TSHZ2: variants seen among roughly 807,000 people sequenced by gnomAD.
The protein encoded by TSHZ2 is teashirt homolog 2.
Under a neutral mutation model 74.4 loss-of-function variants are expected in TSHZ2, and 21 were observed. The observed-to-expected ratio is 0.28, with a 90% CI of 0.20 to 0.41. The LOEUF (loss-of-function observed/expected upper bound fraction) is 0.41. Among genes scored for constraint, TSHZ2 ranks in the 10% least tolerant of loss-of-function variants. The pLI is 1.00. For synonymous variants in TSHZ2, 540 were observed against 515.3 expected (o/e 1.05, Z -0.65); for missense variants, 1,244 against 1,293.5 (o/e 0.96, Z 0.59).
At chr20:52,976,970 T>C (rs1004940610) in intron 1 of TSHZ2, among the ~76,000 whole-genome samples, 3 of 152,226 alleles carry the variant, frequency 2.0e-5, no homozygotes, top group African/African-American at 7.2e-5. Context: ...TTTGTTTTCA[T>C]GAATGTCCTT....
Position 52,973,234 on chromosome 20 carries a change from G to A in TSHZ2, c.-60G>A. ...GACCCAGAGAGGCCAGAGAGACAGC[G>A]GGCCCCAGCGCGCGGCTCGGGGCTG... On this transcript the variant is annotated 5_prime_UTR_variant, in exon 1 of 3. Coordinates refer to ENST00000371497, the MANE Select transcript of TSHZ2 (RefSeq NM_173485.6). 1.3e-6 allele frequency: 2 copies of A among 1,549,856 alleles called. No homozygotes were observed. Among genetic ancestry groups the A allele is most frequent in the East Asian group, 2.4e-5 (1 of 40,896 alleles).
chr20:53,128,752 G>A (rs897636332), intron 1 of TSHZ2, among the ~76,000 whole-genome samples: 7 of 152,026 alleles, frequency 4.6e-5, no homozygotes, highest in African/African-American at 1.7e-4. Context: ...CTCCCGAGTA[G>A]CTGGGACTAC....
At chr20:53,249,666 A>G (rs1341763572) in intron 1 of TSHZ2, among the ~76,000 whole-genome samples, 1 of 152,214 alleles carries the variant, frequency 6.6e-6, no homozygotes, top group Admixed American at 6.5e-5. Flanking sequence ...AGTCAGGAGA[A>G]GGATTGGCGG....
chr20:53,465,689 C>A (rs990439147), intron 2 of TSHZ2, among the ~76,000 whole-genome samples: 1 of 152,068 alleles, frequency 6.6e-6, no homozygotes, highest in Non-Finnish European at 1.5e-5. Flanking sequence ...ATCTCTGACC[C>A]TCAGTTTTCT....
chr20:53,171,824 T>G (rs1988209921), intron 1 of TSHZ2, among the ~76,000 whole-genome samples: 1 of 152,170 alleles, frequency 6.6e-6, no homozygotes, highest in Non-Finnish European at 1.5e-5. Context: ...TGTTTTTTCT[T>G]AAACAAAGGA....
chr20:52,997,790 G>T (rs1982261660), intron 1 of TSHZ2, among the ~76,000 whole-genome samples: 1 of 152,198 alleles, frequency 6.6e-6, no homozygotes, highest in African/African-American at 2.4e-5. Flanking sequence ...AGAGGGTTTT[G>T]CTCTGTGATA....
chr20:53,335,441 C>G (rs1351109816), intron 2 of TSHZ2, among the ~76,000 whole-genome samples: 1 of 152,252 alleles, frequency 6.6e-6, no homozygotes, highest in Non-Finnish European at 1.5e-5. Flanking sequence ...TGGCCCCACT[C>G]AGTCCTTTCT....
At chr20:53,341,113 C>T (rs1980183272) in intron 2 of TSHZ2, among the ~76,000 whole-genome samples, 2 of 152,122 alleles carry the variant, frequency 1.3e-5, no homozygotes, top group South Asian at 4.1e-4. Context: ...GAGGACAGTC[C>T]CTGGCACATA....
intron 1 of TSHZ2, among the ~76,000 whole-genome samples, chr20:52,978,566 A>G (rs1981437092): frequency 6.6e-6 from 1 of 152,176 alleles, no homozygotes; most frequent in Non-Finnish European, 1.5e-5. Context: ...GCATACACGG[A>G]GTATCATTTT....
chr20:52,973,463 A>G (rs961477010), intron 1 of TSHZ2, 130 bp downstream of exon 1: 90 of 1,203,642 alleles, frequency 7.5e-5, no homozygotes, highest in Non-Finnish European at 9.1e-5. Context: ...TGCCCTTCTA[A>G]TAACCCCGTC....
chr20:53,032,866 C>T (rs1600656487), intron 1 of TSHZ2, among the ~76,000 whole-genome samples: 1 of 152,104 alleles, frequency 6.6e-6, no homozygotes, highest in Non-Finnish European at 1.5e-5. Context: ...CCCATCATTG[C>T]ACAATACTGG....
At chr20:53,265,033 C>G (rs1419064819) in intron 2 of TSHZ2, among the ~76,000 whole-genome samples, 2 of 152,106 alleles carry the variant, frequency 1.3e-5, no homozygotes, top group East Asian at 3.9e-4. Flanking sequence ...GAGAGCAGGC[C>G]TGGTGGATCT....
At chr20:53,486,628 C>T (rs551786117) in intron 2 of TSHZ2, among the ~76,000 whole-genome samples, 1 of 152,134 alleles carries the variant, frequency 6.6e-6, no homozygotes, top group Non-Finnish European at 1.5e-5. Context: ...TGCCGTGAGC[C>T]GTGATGATGC....
At position 53,005,272 on chromosome 20, in the gene TSHZ2, C is replaced by T. The variant is rs939622548; in HGVS notation, c.40+31939C>T. 6.6e-5 allele frequency among the ~76,000 whole-genome samples: 10 copies of T among 151,900 alleles called. 1 individual carries two copies. The highest frequency in any genetic ancestry group is 2.0e-4 in the Admixed American group (3 of 15,256). On this transcript the variant is annotated intron_variant, in intron 1 of 2. Transcript: ENST00000371497. ...AGATTGCCGTGAGCCAAGATCACAC[C>T]GTGCACTCCAGCCTGGGCAACAGAG...
At chr20:53,013,980 G>GCA (rs1220057355) in intron 1 of TSHZ2, among the ~76,000 whole-genome samples, 461 of 152,298 alleles carry the variant, frequency 3.0e-3, no homozygotes, top group African/African-American at 8.8e-3. Flanking sequence ...CTGCCTCGTG[G>GCA]GGATGATATG....
intron 1 of TSHZ2, among the ~76,000 whole-genome samples, chr20:53,009,804 C>G (rs1982783732): frequency 6.6e-6 from 1 of 152,092 alleles, no homozygotes; most frequent in African/African-American, 2.4e-5. Context: ...TTGGACCAAC[C>G]ACCAAAGATA....
chr20:53,044,384 G>T (rs1266383670), intron 1 of TSHZ2, among the ~76,000 whole-genome samples: 2 of 152,214 alleles, frequency 1.3e-5, no homozygotes, highest in Non-Finnish European at 2.9e-5. Context: ...CATTCTGAGT[G>T]CAAGATGATA....
chr20:53,089,649 A>G (rs1473415756), intron 1 of TSHZ2, among the ~76,000 whole-genome samples: 3 of 152,246 alleles, frequency 2.0e-5, no homozygotes, highest in African/African-American at 7.2e-5. Context: ...CAGTAATAAT[A>G]GCTATGAAGA....
intron 1 of TSHZ2, among the ~76,000 whole-genome samples, chr20:53,211,587 C>G (rs919159749): frequency 5.3e-5 from 8 of 152,052 alleles, no homozygotes; most frequent in African/African-American, 1.9e-4. Flanking sequence ...ACAGTCGCTC[C>G]TACCTGCAAT....
Sources: allele counts gnomAD v4.1 joint callset (sites outside exome capture counted in the v4.1 genomes callset), GRCh38; gene constraint gnomAD v4.1.1; transcripts MANE v1.5; gene names NCBI Gene and HGNC (gene_info 2026-07-23, HGNC 2026-07-21).